The following RIPOR2 variants were observed in gnomAD, a reference collection of about 807,000 sequenced individuals.
RIPOR2 encodes the protein RHO family interacting cell polarization regulator 2.
Under a neutral mutation model 114.5 loss-of-function variants are expected in RIPOR2, and 39 were observed. The ratio of observed to expected loss-of-function variants is 0.34; its 90% CI spans 0.26 to 0.44. The LOEUF (loss-of-function observed/expected upper bound fraction) is 0.44. RIPOR2 is among the 20% of genes least tolerant of loss of function. The probability of loss-of-function intolerance (pLI) is 1.00; values close to 1 mark genes in which losing one functional copy is unlikely to be tolerated. For missense variants in RIPOR2, 1,007 were observed against 1,255.1 expected, an observed-to-expected ratio of 0.80 and a Z score of 2.99; for synonymous variants, 445 against 484.4, an observed-to-expected ratio of 0.92 and a Z score of 1.07.
upstream of RIPOR2, chr6:25,042,074 A>T: frequency 1.9e-6 from 1 of 526,130 alleles, no homozygotes; most frequent in Non-Finnish European, 3.3e-6. Context: ...AAAAAAAAAG[A>T]GTATTTGAGG....
chr6:24,991,012 C>G (rs997511421), intron 1 of RIPOR2, among the ~76,000 whole-genome samples: 2 of 152,242 alleles, frequency 1.3e-5, no homozygotes, highest in African/African-American at 2.4e-5. Flanking sequence ...CACATGTTCT[C>G]TGTCCAAGGC....
chr6:24,928,306 T>C (rs560744304), intron 1 of RIPOR2, among the ~76,000 whole-genome samples: 1 of 152,330 alleles, frequency 6.6e-6, no homozygotes, highest in Admixed American at 6.5e-5. Flanking sequence ...ACAAATCATA[T>C]CTGCTTATTT....
At chr6:24,890,417 A>G (rs1375776877) in intron 1 of RIPOR2, among the ~76,000 whole-genome samples, 1 of 152,218 alleles carries the variant, frequency 6.6e-6, no homozygotes, top group Non-Finnish European at 1.5e-5. Flanking sequence ...CAAATACTGC[A>G]TGTTCTCACT....
At chr6:24,841,013 T>C (rs146091521) in intron 13 of RIPOR2, among the ~76,000 whole-genome samples, 3 of 152,286 alleles carry the variant, frequency 2.0e-5, no homozygotes, top group East Asian at 1.9e-4. Flanking sequence ...ATATTGGTCA[T>C]GACAAAGAAA....
chr6:24,828,010 G>T, intron 18 of RIPOR2, 127 bp downstream of exon 18: 2 of 759,122 alleles, frequency 2.6e-6, no homozygotes, highest in Non-Finnish European at 3.8e-6. Flanking sequence ...CACTTAAAAG[G>T]CAAATTGCAC....
At chr6:24,840,131 T>C in intron 13 of RIPOR2, 4 of 762,388 alleles carry the variant, frequency 5.2e-6, no homozygotes, top group Non-Finnish European at 6.4e-6. Context: ...TTTCTTTTAT[T>C]GCAGAGACAG....
chr6:24,981,580 GC>G (rs1438449374), intron 1 of RIPOR2, among the ~76,000 whole-genome samples: 1 of 152,164 alleles, frequency 6.6e-6, no homozygotes, highest in Non-Finnish European at 1.5e-5. Flanking sequence ...TACTCAGTGG[GC>G]CCAGGGTCTC....
intron 1 of RIPOR2, among the ~76,000 whole-genome samples, chr6:24,975,036 TAA>T (rs1561819230): frequency 2.0e-5 from 3 of 152,160 alleles, no homozygotes; most frequent in African/African-American, 4.8e-5. Context: ...GGGTTTCTTT[TAA>T]TGGTAATAAA....
intron 1 of RIPOR2, among the ~76,000 whole-genome samples, chr6:24,920,014 A>G (rs775081332): frequency 4.6e-5 from 7 of 152,252 alleles, no homozygotes; most frequent in Admixed American, 1.3e-4. Context: ...AAGGAAGAAC[A>G]ATTATTCCCC....
chr6:24,808,607 A>C (rs968772436), intron 21 of RIPOR2, among the ~76,000 whole-genome samples: 23 of 152,266 alleles, frequency 1.5e-4, no homozygotes, highest in African/African-American at 5.5e-4. Flanking sequence ...ATTCTTCTTC[A>C]TGTTGTTAAG....
chr6:25,030,916 C>G (rs540722046), intron 1 of RIPOR2: 10 of 151,938 alleles, frequency 6.6e-5, no homozygotes, highest in African/African-American at 2.2e-4. Flanking sequence ...AGACTGGTCT[C>G]GAACTCCTGA....
chr6:24,878,221 G>C (rs1165776444), intron 1 of RIPOR2, among the ~76,000 whole-genome samples: 1 of 152,166 alleles, frequency 6.6e-6, no homozygotes, highest in Admixed American at 6.5e-5. Context: ...TCCTTAATGA[G>C]GTTCTCCTCT....
At chr6:25,024,506 G>C in intron 1 of RIPOR2, 3 of 732,738 alleles carry the variant, frequency 4.1e-6, no homozygotes, top group Non-Finnish European at 7.2e-6. Context: ...TTGGAGGCGC[G>C]AGTTCCCAGC....
At chr6:24,990,976 A>C (rs1774784398) in intron 1 of RIPOR2, among the ~76,000 whole-genome samples, 1 of 152,254 alleles carries the variant, frequency 6.6e-6, no homozygotes, top group South Asian at 2.1e-4. Flanking sequence ...TAATTTGGCC[A>C]GCCATTGGTG....
chr6:25,024,496 T>C (rs906153427), intron 1 of RIPOR2: 1 of 786,820 alleles, frequency 1.3e-6, no homozygotes, highest in African/African-American at 1.7e-5. Flanking sequence ...GTGTCTGGGA[T>C]TGGAGGCGCG....
chr6:24,937,071 G>A (rs1283144064), upstream of RIPOR2, among the ~76,000 whole-genome samples: 1 of 152,162 alleles, frequency 6.6e-6, no homozygotes, highest in East Asian at 1.9e-4. Flanking sequence ...CAGTGAGAAG[G>A]GATCACCCCA....
intron 1 of RIPOR2, among the ~76,000 whole-genome samples, chr6:24,967,909 CTTTTTTTTTTTT>C (rs35997558): frequency 8.1e-6 from 1 of 123,518 alleles, no homozygotes; most frequent in South Asian, 2.5e-4. Flanking sequence ...AGATCTCAAT[CTTTTTTTTTTTT>C]TTTTTTTTTT....
chr6:24,997,681 TTCCC>T (rs1273596143), intron 1 of RIPOR2, among the ~76,000 whole-genome samples: 2 of 152,190 alleles, frequency 1.3e-5, no homozygotes, highest in African/African-American at 4.8e-5. Context: ...TGTCCAAATG[TTCCC>T]TGGGAGTAAA....
intron 6 of RIPOR2, 83 bp downstream of exon 6, chr6:24,869,011 C>G (rs908407482): frequency 2.7e-6 from 2 of 734,648 alleles, no homozygotes; most frequent in African/African-American, 3.6e-5. Context: ...TCTCCACGCA[C>G]TAGATACTAC....
Sources: allele counts gnomAD v4.1 joint callset (sites outside exome capture counted in the v4.1 genomes callset), GRCh38; gene constraint gnomAD v4.1.1; transcripts MANE v1.5; gene names NCBI Gene and HGNC (gene_info 2026-07-23, HGNC 2026-07-21).